The following GALNT18 variants were observed in gnomAD, a reference collection of about 807,000 sequenced individuals.
The protein encoded by GALNT18 is GalNAc-transferase 18.
A neutral mutation model predicts 69.5 loss-of-function variants in GALNT18; 44 were observed. The observed-to-expected ratio is 0.63, with a 90% CI of 0.50 to 0.81. The LOEUF is 0.81. Among genes scored for constraint, GALNT18 ranks in the 40% least tolerant of loss-of-function variants. The probability of loss-of-function intolerance (pLI) is 0.00; values close to 1 mark genes in which losing one functional copy is unlikely to be tolerated. For synonymous variants in GALNT18, 364 were observed against 318.2 expected, an observed-to-expected ratio of 1.14 and a Z score of -1.53; for missense variants, 715 against 810.0, an observed-to-expected ratio of 0.88 and a Z score of 1.42.
Position 11,390,595 on chromosome 11 carries a change from T to C in GALNT18, c.596-11331A>G, listed in dbSNP as rs200158974. Among the ~76,000 whole-genome samples the C allele has an allele frequency of 2.0e-5, 3 of 152,192 alleles. No homozygotes were observed. In the East Asian group the frequency reaches 5.8e-4, roughly 29 times the overall value. Reference sequence around the variant, plus strand: ...TGACCAGGGGCCTCAGCCTGGCTGATTCATGACTCAGGAGACCCGGAGGGC... The same window carrying C: ...TGACCAGGGGCCTCAGCCTGGCTGACTCATGACTCAGGAGACCCGGAGGGC... On this transcript the variant is annotated intron_variant, in intron 3 of 10. Transcript: ENST00000227756.
chr11:11,324,366 C>T (rs1050875315), intron 9 of GALNT18, among the ~76,000 whole-genome samples: 1 of 152,200 alleles, frequency 6.6e-6, no homozygotes, highest in Non-Finnish European at 1.5e-5. Context: ...TTCATAGCAG[C>T]AGTATTCATG....
At chr11:11,299,545 C>T (rs1046157657) in intron 9 of GALNT18, among the ~76,000 whole-genome samples, 7 of 152,334 alleles carry the variant, frequency 4.6e-5, no homozygotes, top group Middle Eastern at 3.4e-3. Flanking sequence ...CATAGCATAG[C>T]TTGCACTTTA....
In GALNT18 at chr11:11,613,577, G is replaced by T. The variant is rs2133967271; in HGVS notation, c.235+7782C>A. On this transcript the variant is annotated intron_variant, in intron 1 of 10. Transcript: ENST00000227756. The surrounding 1 kb of genome is among the most constrained non-coding windows in gnomAD (Gnocchi z 4.2). ...TGTATGTAGGCCTATGTGTGAGGAA[G>T]GGGGAAACATCAAGGACCCCTGGGC... Among the ~76,000 whole-genome samples, 1 of 152,312 alleles carries T rather than the reference G, an allele frequency of 6.6e-6. No homozygotes were observed. The highest frequency in any genetic ancestry group is 1.9e-4 in the East Asian group (1 of 5,172).
chr11:11,282,635 G>C lies in GALNT18; in HGVS notation c.1677+10394C>G, dbSNP rs113688469. On this transcript the variant is annotated intron_variant, in intron 10 of 10. Coordinates refer to ENST00000227756, the MANE Select transcript of GALNT18 (RefSeq NM_198516.3). ...TCACAGTGGTGGTGAACTAGACTGA[G>C]GGAGCTGGTGGTGCCCCAATGCCTA... Among the ~76,000 whole-genome samples the C allele has an allele frequency of 1.7e-3, 262 of 152,256 alleles. 4 individuals are homozygous for C. Among genetic ancestry groups the C allele is most frequent in the African/African-American group, 6.0e-3 (250 of 41,528 alleles).
At chr11:11,456,759 T>C (rs981495076) in intron 1 of GALNT18, among the ~76,000 whole-genome samples, 10 of 152,198 alleles carry the variant, frequency 6.6e-5, no homozygotes, top group Admixed American at 6.5e-4. Flanking sequence ...TGCTTCCCCA[T>C]GATCATGCCC....
intron 10 of GALNT18, among the ~76,000 whole-genome samples, chr11:11,276,389 A>G (rs930613695): frequency 3.3e-5 from 5 of 152,158 alleles, no homozygotes; most frequent in Non-Finnish European, 5.9e-5. Context: ...GTATCCTGAG[A>G]CTTTGCTGAA....
At chr11:11,351,995 A>G in intron 6 of GALNT18, 1 of 1,612,076 alleles carries the variant, frequency 6.2e-7, no homozygotes, top group Middle Eastern at 1.7e-4. Context: ...GGGGGTTGGC[A>G]GCAGCAATCA....
intron 1 of GALNT18, among the ~76,000 whole-genome samples, chr11:11,508,818 T>C (rs1191529757): frequency 6.6e-6 from 1 of 152,204 alleles, no homozygotes; most frequent in Non-Finnish European, 1.5e-5. Flanking sequence ...AATACTCAAT[T>C]ACTCCAGCTT....
intron 1 of GALNT18, among the ~76,000 whole-genome samples, chr11:11,491,850 C>G (rs184929589): frequency 6.8e-4 from 104 of 152,224 alleles, no homozygotes; most frequent in African/African-American, 2.5e-3. Flanking sequence ...CCTCCAGAAG[C>G]AAGACAATCT....
chr11:11,371,663 A>T lies in GALNT18; in HGVS notation c.1092+852T>A, dbSNP rs1850909564. Among the ~76,000 whole-genome samples the T allele has an allele frequency of 2.6e-5, 4 of 152,076 alleles. No individual in the cohort carries two copies. The South Asian group carries it at 8.3e-4, about 32-fold the overall frequency. On this transcript the variant is annotated intron_variant, in intron 6 of 10. Transcript: ENST00000227756. ...CGTGGGGAGGACATCCTGCAGCTCT[A>T]ATACTGGGTCTGCCAAGGATACTCC...
intron 2 of GALNT18, among the ~76,000 whole-genome samples, chr11:11,446,725 C>T (rs982886005): frequency 1.6e-4 from 25 of 152,336 alleles, no homozygotes; most frequent in African/African-American, 3.8e-4. Context: ...CTTGCCCCCT[C>T]GGTCTGTTCT....
intron 1 of GALNT18, among the ~76,000 whole-genome samples, chr11:11,517,970 T>G (rs1346254174): frequency 6.6e-6 from 1 of 152,198 alleles, no homozygotes; most frequent in African/African-American, 2.4e-5. Context: ...CTGGGAAAAG[T>G]AGGCTTTCTC....
intron 7 of GALNT18, among the ~76,000 whole-genome samples, chr11:11,335,419 G>C (rs1850095197): frequency 6.6e-6 from 1 of 152,150 alleles, no homozygotes; most frequent in African/African-American, 2.4e-5. Context: ...CATCTTCAAA[G>C]CAGGAGGCAT....
rs546786272 is a variant in GALNT18 at position 11,351,517 on chromosome 11, C to A, written c.1093-10513G>T. Among the ~76,000 whole-genome samples, 82 of 152,268 alleles carry A rather than the reference C, an allele frequency of 5.4e-4. 2 individuals are homozygous for A. The South Asian group carries it at 0.017, about 31-fold the overall frequency. On this transcript the variant is annotated intron_variant, in intron 6 of 10. Coordinates refer to ENST00000227756, the MANE Select transcript of GALNT18 (RefSeq NM_198516.3). ...CTGACCCTCACAGCTTCCCGATGCA[C>A]AAGGCTGGGAAGGTAAGCTAGTTCA...
intron 1 of GALNT18, among the ~76,000 whole-genome samples, chr11:11,452,396 C>T (rs11827569): frequency 0.025 from 3,787 of 152,290 alleles, 155 homozygotes; most frequent in African/African-American, 0.087. Context: ...GAGCTTGGCA[C>T]GGTGCCTGGC....
At chr11:11,478,513 C>G (rs912396861) in intron 1 of GALNT18, among the ~76,000 whole-genome samples, 2 of 152,150 alleles carry the variant, frequency 1.3e-5, no homozygotes, top group Non-Finnish European at 1.5e-5. Flanking sequence ...ACGGCAGCAC[C>G]GAGGCAGGCC....
chr11:11,510,214 G>T (rs1036274720), intron 1 of GALNT18, among the ~76,000 whole-genome samples: 1 of 152,150 alleles, frequency 6.6e-6, no homozygotes, highest in African/African-American at 2.4e-5. Context: ...TGACATGAAG[G>T]GTGTGGAAAG....
chr11:11,509,991 C>T (rs982986702), intron 1 of GALNT18, among the ~76,000 whole-genome samples: 3 of 152,186 alleles, frequency 2.0e-5, no homozygotes, highest in Non-Finnish European at 1.5e-5. Context: ...CAGGACCTTC[C>T]AGCAGAGCAC....
At chr11:11,457,958 G>A (rs960442512) in intron 1 of GALNT18, among the ~76,000 whole-genome samples, 2 of 152,226 alleles carry the variant, frequency 1.3e-5, no homozygotes, top group African/African-American at 4.8e-5. Flanking sequence ...GAGGAGGCAG[G>A]AGAAACTAGG....
Sources: allele counts gnomAD v4.1 joint callset (sites outside exome capture counted in the v4.1 genomes callset), GRCh38; gene constraint gnomAD v4.1.1; non-coding constraint Gnocchi (gnomAD v3.1); transcripts MANE v1.5; gene names NCBI Gene and HGNC (gene_info 2026-07-23, HGNC 2026-07-21).